Variants in HEATR5A observed in about 807,000 individuals in gnomAD.
HEATR5A encodes HEAT repeat-containing protein 5A.
HEATR5A carries 178 observed loss-of-function variants against 218.8 expected under a neutral mutation model. That is an observed-to-expected ratio of 0.81 (90% confidence interval 0.72 to 0.92). The LOEUF (loss-of-function observed/expected upper bound fraction) is 0.92, where lower values mean the gene tolerates loss of function less well. Ranked by LOEUF, HEATR5A falls within the 40% of genes least tolerant of loss-of-function variation. The probability of loss-of-function intolerance (pLI) is 0.00; values close to 1 mark genes in which losing one functional copy is unlikely to be tolerated. For synonymous variants in HEATR5A, 864 were observed against 871.6 expected (o/e 0.99, Z 0.15); for missense variants, 2,420 against 2,418.9 (o/e 1.00, Z -0.01).
Position 31,292,490 on chromosome 14 carries a change from A to G in HEATR5A, c.*815T>C, listed in dbSNP as rs1242936133. 4 of 152,236 alleles carry G rather than the reference A, an allele frequency of 2.6e-5. No individual in the cohort carries two copies. Among genetic ancestry groups the G allele is most frequent in the Non-Finnish European group, 5.9e-5 (4 of 68,042 alleles). The allele number at this position is 152,236 out of a possible 1,614,324, so 9.4% of individuals were successfully genotyped here. A position where few individuals can be genotyped will look rare whatever the true frequency, so the allele number is the denominator to read the frequency against. ...TAATTTGTACTATTGTATACTGGATAATCCTAGACCAGGTTTCCTAAATAG... is the reference window on the plus strand; with the variant it reads ...TAATTTGTACTATTGTATACTGGATGATCCTAGACCAGGTTTCCTAAATAG... On this transcript the variant is annotated 3_prime_UTR_variant, in exon 36 of 36. Transcript: ENST00000543095.
At chr14:31,353,280 A>C (rs1356939559) in intron 16 of HEATR5A, among the ~76,000 whole-genome samples, 1 of 152,086 alleles carries the variant, frequency 6.6e-6, no homozygotes, top group African/African-American at 2.4e-5. Flanking sequence ...ATTATCAGGG[A>C]TTTTCCCATC....
At chr14:31,310,319 A>G (rs950026654) in intron 28 of HEATR5A, among the ~76,000 whole-genome samples, 1 of 152,080 alleles carries the variant, frequency 6.6e-6, no homozygotes, top group African/African-American at 2.4e-5. Context: ...ACCAGCATGC[A>G]CCACTGTGCC....
chr14:31,384,120 G>A (rs7149420), intron 9 of HEATR5A, among the ~76,000 whole-genome samples: 130,170 of 152,002 alleles, frequency 0.86, 56,447 homozygotes, highest in Non-Finnish European at 0.94. Context: ...AAAATTAAAA[G>A]TTATCAACAA....
chr14:31,340,872 A>G (rs370692002), intron 21 of HEATR5A, among the ~76,000 whole-genome samples: 2 of 152,370 alleles, frequency 1.3e-5, no homozygotes, highest in East Asian at 1.9e-4. Context: ...TTACCTCATC[A>G]GAAGTTAATT....
In HEATR5A at chr14:31,317,997, G is replaced by GA. The variant is rs917330262; in HGVS notation, c.4038+226dup. Among the ~76,000 whole-genome samples the GA allele has an allele frequency of 3.3e-5, 5 of 151,826 alleles. No homozygotes were observed. In the East Asian group the frequency reaches 5.8e-4, roughly 18 times the overall value. On this transcript the variant is annotated intron_variant, in intron 26 of 35. Coordinates refer to ENST00000543095, the MANE Select transcript of HEATR5A (RefSeq NM_015473.4). ...ATACAGCACTATTCTAATAGCAAAA[G>GA]AAAAAAACCCAATGTCCGTCAATAT... is the stretch of plus-strand genomic sequence containing the variant.
intron 16 of HEATR5A, 41 bp from the exon 17 acceptor site, chr14:31,350,758 G>A (rs1566764239): frequency 1.1e-6 from 1 of 921,284 alleles, no homozygotes; most frequent in Non-Finnish European, 1.6e-6. Flanking sequence ...AAGTAGGTAA[G>A]TTTTTGTTTG....
intron 1 of HEATR5A, among the ~76,000 whole-genome samples, chr14:31,412,614 G>C (rs1206680019): frequency 6.6e-6 from 1 of 152,068 alleles, no homozygotes; most frequent in African/African-American, 2.4e-5. Context: ...CTGTGGCCAG[G>C]TGCAGTGGCT....
Position 31,326,477 on chromosome 14 carries a change from A to G in HEATR5A, c.3368-135T>C. The G allele has an allele frequency of 4.7e-6, 3 of 643,062 alleles. 1 individual carries two copies. In the South Asian group the frequency reaches 6.2e-5, roughly 13 times the overall value. 39.8% of individuals were successfully genotyped at this position (643,062 alleles called of 1,614,324 possible). A position where few individuals can be genotyped will look rare whatever the true frequency, so the allele number is the denominator to read the frequency against. ...GAACTAGCCCAAATACTGTGCTTTA[A>G]TCTACTGAGATCCATTTTAGTTCAC... On this transcript the variant is annotated intron_variant, in intron 22 of 35. Coordinates refer to ENST00000543095, the MANE Select transcript of HEATR5A (RefSeq NM_015473.4).
chr14:31,348,925 T>C (rs1295778867), intron 18 of HEATR5A, among the ~76,000 whole-genome samples: 1 of 152,210 alleles, frequency 6.6e-6, no homozygotes, highest in Non-Finnish European at 1.5e-5. Context: ...TATACATATA[T>C]AACTAATATA....
At chr14:31,364,126 A>G (rs1043886342) in intron 14 of HEATR5A, 63 bp downstream of exon 14, 3 of 652,946 alleles carry the variant, frequency 4.6e-6, no homozygotes, top group Non-Finnish European at 5.2e-6. Context: ...GAGTGACAAT[A>G]ACTATTGTTC....
At chr14:31,327,252 G>A (rs1398793067) in intron 22 of HEATR5A, among the ~76,000 whole-genome samples, 1 of 148,580 alleles carries the variant, frequency 6.7e-6, no homozygotes, top group Non-Finnish European at 1.5e-5. Context: ...TGGGATTATA[G>A]GCGTTGAGCC....
chr14:31,337,812 G>C lies in HEATR5A; in HGVS notation c.3229-198C>G, dbSNP rs540609460. 6.6e-5 allele frequency among the ~76,000 whole-genome samples: 10 copies of C among 152,178 alleles called. No homozygotes were observed. In the South Asian group the frequency reaches 2.1e-3, roughly 32 times the overall value. On this transcript the variant is annotated intron_variant, in intron 21 of 35. Transcript: ENST00000543095. ...CTGTAACTTAGAAACAGCTTAATAG[G>C]TAATATGTGTACTAGATTATGCACT...
At chr14:31,340,715 T>C (rs1041048373) in intron 21 of HEATR5A, among the ~76,000 whole-genome samples, 18 of 152,358 alleles carry the variant, frequency 1.2e-4, no homozygotes, top group Non-Finnish European at 1.5e-4. Context: ...AATTTTAAAA[T>C]GTACATGTGA....
intron 1 of HEATR5A, among the ~76,000 whole-genome samples, chr14:31,418,892 A>C (rs1274826332): frequency 6.6e-6 from 1 of 152,226 alleles, no homozygotes; most frequent in Non-Finnish European, 1.5e-5. Flanking sequence ...GAAACAAAGC[A>C]AGAAGAAAGG....
intron 3 of HEATR5A, 73 bp from the exon 4 acceptor site, chr14:31,398,854 G>T: frequency 1.2e-6 from 1 of 821,958 alleles, no homozygotes; most frequent in Non-Finnish European, 1.9e-6. Context: ...GGATATGTAA[G>T]GATAACTGTT....
chr14:31,306,231 A>ACTCTGGGAGGCTG (rs199619856), intron 31 of HEATR5A, among the ~76,000 whole-genome samples: 1,782 of 152,206 alleles, frequency 0.012, 31 homozygotes, highest in African/African-American at 0.041. Flanking sequence ...TAATCCCAGC[A>ACTCTGGGAGGCTG]CTCTGGGAGG....
At chr14:31,360,244 T>C (rs879627647) in intron 14 of HEATR5A, among the ~76,000 whole-genome samples, 2 of 152,250 alleles carry the variant, frequency 1.3e-5, no homozygotes, top group Non-Finnish European at 2.9e-5. Context: ...GGTAATTTAT[T>C]TGAAGAAACA....
At chr14:31,336,930 G>C (rs4981838) in intron 22 of HEATR5A, among the ~76,000 whole-genome samples, 128,633 of 152,208 alleles carry the variant, frequency 0.85, 55,252 homozygotes, top group Non-Finnish European at 0.93. Flanking sequence ...ACACACACAG[G>C]CTATATGGCA....
chr14:31,310,639 CAAATAAAT>C (rs1188567014), intron 28 of HEATR5A, among the ~76,000 whole-genome samples: 2 of 151,748 alleles, frequency 1.3e-5, no homozygotes, highest in Admixed American at 6.6e-5. Context: ...GACTCCACCT[CAAATAAAT>C]AAATAAATAA....
Sources: gnomAD v4.1 joint callset for allele counts (sites outside exome capture counted in the v4.1 genomes callset) on GRCh38, gnomAD v4.1.1 for gene constraint, MANE v1.5 for transcripts, NCBI Gene and HGNC (gene_info 2026-07-23, HGNC 2026-07-21) for gene names.